The following PDZD2 variants were observed in gnomAD, a reference collection of about 807,000 sequenced individuals.
PDZD2 encodes PDZ domain containing 2.
In PDZD2, 90 loss-of-function variants were observed where a neutral mutation model predicts 220.7. That is an observed-to-expected ratio of 0.41 (90% CI 0.34 to 0.49). The LOEUF (loss-of-function observed/expected upper bound fraction) is 0.49, where lower values mean the gene tolerates loss of function less well. Ranked by LOEUF, PDZD2 falls within the 20% of genes least tolerant of loss-of-function variation. The pLI is 0.28. For synonymous variants in PDZD2, 1,375 were observed against 1,450.5 expected, an observed-to-expected ratio of 0.95 and a Z score of 1.18; for missense variants, 3,174 against 3,608.5, an observed-to-expected ratio of 0.88 and a Z score of 3.08.
chr5:31,878,652 CG>C (rs1174053766), intron 2 of PDZD2, among the ~76,000 whole-genome samples: 4 of 146,356 alleles, frequency 2.7e-5, no homozygotes, highest in African/African-American at 7.5e-5. Flanking sequence ...CTCCGCCCCC[CG>C]GGGTTCACGC....
intron 18 of PDZD2, among the ~76,000 whole-genome samples, chr5:32,075,191 G>GTACACAGC (rs1490235555): frequency 4.6e-5 from 7 of 152,284 alleles, no homozygotes; most frequent in Non-Finnish European, 1.0e-4. Flanking sequence ...TGTCTTACCT[G>GTACACAGC]TACACAGCAC....
chr5:31,859,539 T>C (rs1425115960), intron 2 of PDZD2, among the ~76,000 whole-genome samples: 1 of 152,240 alleles, frequency 6.6e-6, no homozygotes, highest in Non-Finnish European at 1.5e-5. Context: ...TTACTGTTTC[T>C]TGGATGAAAA....
At chr5:32,034,966 C>T (rs1335396675) in intron 6 of PDZD2, among the ~76,000 whole-genome samples, 2 of 152,188 alleles carry the variant, frequency 1.3e-5, no homozygotes, top group Non-Finnish European at 1.5e-5. Context: ...ACCTGAACAC[C>T]TGCCAGTTCC....
At chr5:31,667,974 G>T (rs545943474) in intron 1 of PDZD2, among the ~76,000 whole-genome samples, 25 of 139,956 alleles carry the variant, frequency 1.8e-4, no homozygotes, top group African/African-American at 5.9e-4. Flanking sequence ...CGATTCTCCT[G>T]CCTCAGCCTC....
chr5:31,847,736 C>T, intron 2 of PDZD2: 1 of 596,362 alleles, frequency 1.7e-6, no homozygotes, highest in Non-Finnish European at 3.2e-6. Context: ...ACTGACAATA[C>T]AGTTTTGGAG....
At chr5:31,698,595 T>C (rs932596298) in intron 1 of PDZD2, among the ~76,000 whole-genome samples, 3 of 143,692 alleles carry the variant, frequency 2.1e-5, no homozygotes, top group African/African-American at 8.0e-5. Flanking sequence ...CGAGACTCTG[T>C]CTCAAAAAAA....
At chr5:32,049,376 T>G (rs768706114) in intron 8 of PDZD2, among the ~76,000 whole-genome samples, 15 of 152,124 alleles carry the variant, frequency 9.9e-5, no homozygotes, top group Non-Finnish European at 1.6e-4. Flanking sequence ...ACCAAGGGGC[T>G]CAAGAGGAAC....
Position 32,087,135 on chromosome 5 carries a change from G to A in PDZD2, c.3687G>A (p.Leu1229=), listed in dbSNP as rs774721713. 18 of 1,600,922 alleles carry A rather than the reference G, an allele frequency of 1.1e-5. No individual in the cohort carries two copies. Among genetic ancestry groups the A allele is most frequent in the Non-Finnish European group, 1.5e-5 (18 of 1,168,832 alleles). The part of the protein sequence containing the change: ...SELGQQPMTE[L]DSSSDLISSP... Reference sequence around the variant, plus strand: ...CTGTTTACGTTCCCCACGTAGAACTGGACAGCTCCTCAGACCTCATCTCTT... The same window carrying A: ...CTGTTTACGTTCCCCACGTAGAACTAGACAGCTCCTCAGACCTCATCTCTT... Residue 1229 remains leucine (L), a synonymous_variant, in exon 20 of 25, where the codon CTG becomes CTA. Coordinates refer to ENST00000438447, the MANE Select transcript of PDZD2 (RefSeq NM_178140.4). This position sits in a 1 kb window ranked among gnomAD's most constrained non-coding sequence, Gnocchi z 4.0.
At chr5:31,819,223 T>A (rs2042960) in intron 2 of PDZD2, among the ~76,000 whole-genome samples, 2 of 152,048 alleles carry the variant, frequency 1.3e-5, no homozygotes, top group Non-Finnish European at 2.9e-5. Context: ...ATCTTAGCAC[T>A]TGTTTCAAAT....
chr5:32,061,508 TACC>T (rs1739690024), intron 14 of PDZD2, among the ~76,000 whole-genome samples: 1 of 152,206 alleles, frequency 6.6e-6, no homozygotes, highest in Admixed American at 6.5e-5. Flanking sequence ...AGGCTTTTCT[TACC>T]ACATCTTTTG....
rs530444161 is a variant in PDZD2 at position 31,658,680 on chromosome 5, C to T, written c.-361+19243C>T. ...TGTCGCCCAGGCTGGAGTGCAGTGGCGCAGTCTCGTCTCACTGCAACCTCT... is the reference window on the plus strand; with the variant it reads ...TGTCGCCCAGGCTGGAGTGCAGTGGTGCAGTCTCGTCTCACTGCAACCTCT... On this transcript the variant is annotated intron_variant, in intron 1 of 24. Coordinates refer to ENST00000438447, the MANE Select transcript of PDZD2 (RefSeq NM_178140.4). Among the ~76,000 whole-genome samples the T allele has an allele frequency of 4.8e-4, 72 of 151,152 alleles. 1 individual carries two copies. The South Asian group carries it at 0.015, about 31-fold the overall frequency.
At chr5:31,757,483 T>A (rs536390447) in intron 1 of PDZD2, among the ~76,000 whole-genome samples, 23 of 151,760 alleles carry the variant, frequency 1.5e-4, no homozygotes, top group African/African-American at 4.8e-4. Flanking sequence ...TCCCAGCTAC[T>A]CAAGAGGCTG....
chr5:31,786,224 C>G (rs1000599998), intron 1 of PDZD2, among the ~76,000 whole-genome samples: 13 of 152,154 alleles, frequency 8.5e-5, no homozygotes, highest in African/African-American at 3.1e-4. Context: ...ATCAGGCACT[C>G]CAGCCCTAGC....
At chr5:31,721,534 T>C (rs978403760) in intron 1 of PDZD2, among the ~76,000 whole-genome samples, 1 of 151,514 alleles carries the variant, frequency 6.6e-6, no homozygotes, top group Non-Finnish European at 1.5e-5. Context: ...TTTTTTTTTT[T>C]TTTAGAAAAA....
rs1561259383 is a variant in PDZD2 at position 31,983,192 on chromosome 5, T to C, written c.514T>C (p.Tyr172His). ...AEQCWNGGFI[Y>H]LIMLRRFKHK... Reference sequence around the variant, plus strand: ...GCAGTGCTGGAATGGCGGCTTTATCTACCTGATCATGCTGCGTCGCTTTAA... The same window carrying C: ...GCAGTGCTGGAATGGCGGCTTTATCCACCTGATCATGCTGCGTCGCTTTAA... The change falls in exon 3 of 25, where the codon TAC becomes CAC. Residue 172 changes from tyrosine to histidine, a missense_variant. Coordinates refer to ENST00000438447, the MANE Select transcript of PDZD2 (RefSeq NM_178140.4). The C allele has an allele frequency of 6.2e-7, 1 of 1,614,180 alleles. No homozygotes were observed. Among genetic ancestry groups the C allele is most frequent in the South Asian group, 1.1e-5 (1 of 91,076 alleles).
At chr5:31,793,605 G>A (rs577336766) in intron 1 of PDZD2, among the ~76,000 whole-genome samples, 1 of 152,126 alleles carries the variant, frequency 6.6e-6, no homozygotes, top group African/African-American at 2.4e-5. Flanking sequence ...TCAGGAGTTC[G>A]AGACCAGCCT....
intron 2 of PDZD2, among the ~76,000 whole-genome samples, chr5:31,848,814 T>A (rs1166401486): frequency 6.8e-6 from 1 of 146,744 alleles, no homozygotes; most frequent in Non-Finnish European, 1.5e-5. Flanking sequence ...CTTTGGGAGG[T>A]CTAGGTGGGC....
intron 2 of PDZD2, among the ~76,000 whole-genome samples, chr5:31,920,283 CAAAAATAAAT>C (rs55702657): frequency 0.26 from 39,295 of 150,582 alleles, 6,020 homozygotes; most frequent in Middle Eastern, 0.4. Flanking sequence ...GACCCGGTTT[CAAAAATAAAT>C]AAAAATAAAT....
At chr5:32,106,859 C>CT (rs1237355564) in intron 24 of PDZD2, among the ~76,000 whole-genome samples, 1 of 152,228 alleles carries the variant, frequency 6.6e-6, no homozygotes, top group East Asian at 1.9e-4. Flanking sequence ...CTGGGGCCCA[C>CT]TACAGGGCTG....
Sources: gnomAD v4.1 joint callset for allele counts (sites outside exome capture counted in the v4.1 genomes callset) on GRCh38, gnomAD v4.1.1 for gene constraint, Gnocchi (gnomAD v3.1) non-coding constraint, MANE v1.5 for transcripts, NCBI Gene and HGNC (gene_info 2026-07-23, HGNC 2026-07-21) for gene names.